GRID2: variants seen among roughly 807,000 people sequenced by gnomAD.
GRID2 encodes the protein glutamate ionotropic receptor delta type subunit 2, also known as glutamate receptor ionotropic, delta-2.
In GRID2, 33 loss-of-function variants were observed where a neutral mutation model predicts 114.8. That is an observed-to-expected ratio of 0.29 (90% confidence interval 0.22 to 0.38). The LOEUF (loss-of-function observed/expected upper bound fraction) is 0.38, where lower values mean the gene tolerates loss of function less well. GRID2 is among the 10% of genes least tolerant of loss of function. GRID2 has a pLI of 1.00. For missense variants in GRID2, 1,184 were observed against 1,257.7 expected (o/e 0.94, Z 0.89); for synonymous variants, 505 against 449.9 (o/e 1.12, Z -1.55).
At chr4:92,895,733 G>A (rs564050165) in intron 2 of GRID2, among the ~76,000 whole-genome samples, 1 of 152,104 alleles carries the variant, frequency 6.6e-6, no homozygotes, top group South Asian at 2.1e-4. Flanking sequence ...CATTATACCA[G>A]GCACTTTATA....
intron 8 of GRID2, among the ~76,000 whole-genome samples, chr4:93,348,492 C>T (rs1476659228): frequency 3.9e-5 from 6 of 152,028 alleles, no homozygotes; most frequent in African/African-American, 7.2e-5. Flanking sequence ...TGAAAATGTC[C>T]GAAGCAAAGT....
intron 5 of GRID2, among the ~76,000 whole-genome samples, chr4:93,215,075 ATAAAG>A (rs1259880229): frequency 2.0e-5 from 3 of 152,052 alleles, no homozygotes; most frequent in African/African-American, 7.2e-5. Flanking sequence ...AAATGAGATA[ATAAAG>A]TAATTAGTAT....
At chr4:92,533,192 G>GTT (rs146847345) in intron 1 of GRID2, among the ~76,000 whole-genome samples, 23,561 of 148,028 alleles carry the variant, frequency 0.16, 2,062 homozygotes, top group South Asian at 0.25. Flanking sequence ...GTGTTTTTTT[G>GTT]TTTTTTTTGT....
intron 6 of GRID2, among the ~76,000 whole-genome samples, chr4:93,218,726 A>G (rs1579324776): frequency 6.6e-6 from 1 of 152,164 alleles, no homozygotes; most frequent in Admixed American, 6.6e-5. Flanking sequence ...CTATATGTGT[A>G]TTAGTTCATT....
chr4:93,668,224 T>A (rs116269472), intron 14 of GRID2, among the ~76,000 whole-genome samples: 2,550 of 152,092 alleles, frequency 0.017, 79 homozygotes, highest in African/African-American at 0.059. Flanking sequence ...AAACAGAGTA[T>A]TTTAATCCCA....
At chr4:93,024,949 A>G (rs1472339583) in intron 2 of GRID2, among the ~76,000 whole-genome samples, 1 of 151,856 alleles carries the variant, frequency 6.6e-6, no homozygotes, top group Non-Finnish European at 1.5e-5. Context: ...AAGCAGAGAA[A>G]TGATAACTAA....
chr4:92,838,300 T>A (rs568097134), intron 2 of GRID2, among the ~76,000 whole-genome samples: 1 of 152,232 alleles, frequency 6.6e-6, no homozygotes, highest in Admixed American at 6.6e-5. Context: ...ATGTGAATTT[T>A]GATATAATAT....
At chr4:92,344,929 G>A (rs1213170316) in intron 1 of GRID2, among the ~76,000 whole-genome samples, 1 of 152,036 alleles carries the variant, frequency 6.6e-6, no homozygotes, top group Non-Finnish European at 1.5e-5. Flanking sequence ...GGTAGTTTTT[G>A]TTTACATGGA....
At chr4:92,616,627 A>G (rs1168589187) in intron 2 of GRID2, among the ~76,000 whole-genome samples, 8 of 151,070 alleles carry the variant, frequency 5.3e-5, no homozygotes, top group Non-Finnish European at 1.0e-4. Context: ...TTGTTATTAT[A>G]TATGTTTTGT....
intron 1 of GRID2, among the ~76,000 whole-genome samples, chr4:92,412,505 T>C (rs1731388754): frequency 6.6e-6 from 1 of 152,196 alleles, no homozygotes; most frequent in Non-Finnish European, 1.5e-5. Flanking sequence ...GTAATTTTTA[T>C]ATTTTTCCCT....
In GRID2 at chr4:92,835,496, T is replaced by C. The variant is rs138013216; in HGVS notation, c.244+245210T>C. Among the ~76,000 whole-genome samples the C allele has an allele frequency of 9.6e-4, 146 of 152,272 alleles. 2 individuals are homozygous for C. The highest frequency in any genetic ancestry group is 2.9e-3 in the African/African-American group (122 of 41,582). ...AATTCTACAGATAATGCTTATGCTGTTTCTCATACGTATGAGGCTGTACAT... is the reference window on the plus strand; with the variant it reads ...AATTCTACAGATAATGCTTATGCTGCTTCTCATACGTATGAGGCTGTACAT... On this transcript the variant is annotated intron_variant, in intron 2 of 15. Coordinates refer to ENST00000282020, the MANE Select transcript of GRID2 (RefSeq NM_001510.4).
intron 14 of GRID2, among the ~76,000 whole-genome samples, chr4:93,656,865 T>C (rs1329849153): frequency 7.2e-6 from 1 of 139,220 alleles, no homozygotes; most frequent in African/African-American, 2.7e-5. Flanking sequence ...AAACAAATAA[T>C]TCCAGCTGTC....
intron 1 of GRID2, among the ~76,000 whole-genome samples, chr4:92,588,250 A>T (rs1728544025): frequency 6.6e-6 from 1 of 152,156 alleles, no homozygotes; most frequent in African/African-American, 2.4e-5. Flanking sequence ...ATTAAAAAGC[A>T]TTATCTGGTT....
At chr4:93,757,860 G>C (rs1307925064) in intron 14 of GRID2, among the ~76,000 whole-genome samples, 2 of 152,194 alleles carry the variant, frequency 1.3e-5, no homozygotes, top group Non-Finnish European at 2.9e-5. Context: ...GGAAGGCTGA[G>C]GCAGGAGAAT....
intron 2 of GRID2, among the ~76,000 whole-genome samples, chr4:93,018,767 C>T (rs1004833450): frequency 6.6e-6 from 1 of 152,090 alleles, no homozygotes; most frequent in Admixed American, 6.6e-5. Flanking sequence ...TCTTATTATT[C>T]TTTGCTTTCA....
chr4:92,938,456 C>A (rs1440721746), intron 2 of GRID2, among the ~76,000 whole-genome samples: 1 of 146,602 alleles, frequency 6.8e-6, no homozygotes, highest in East Asian at 2.2e-4. Flanking sequence ...CCAAGTATGG[C>A]CTACTACTTC....
chr4:93,097,725 C>T (rs1241572701), intron 3 of GRID2, among the ~76,000 whole-genome samples: 1 of 151,870 alleles, frequency 6.6e-6, no homozygotes, highest in Non-Finnish European at 1.5e-5. Flanking sequence ...CAGAAAGACT[C>T]CAAGCGATGC....
At chr4:92,730,801 TAAATC>T (rs1450359369) in intron 2 of GRID2, among the ~76,000 whole-genome samples, 1 of 151,958 alleles carries the variant, frequency 6.6e-6, no homozygotes, top group African/African-American at 2.4e-5. Flanking sequence ...AGCAATCAGT[TAAATC>T]AGAGCACAAA....
intron 2 of GRID2, among the ~76,000 whole-genome samples, chr4:93,070,059 C>T (rs1379032804): frequency 6.6e-6 from 1 of 152,070 alleles, no homozygotes; most frequent in African/African-American, 2.4e-5. Context: ...AGAAACATTA[C>T]CTTTTTATAT....
Sources: gnomAD v4.1 joint callset for allele counts (sites outside exome capture counted in the v4.1 genomes callset) on GRCh38, gnomAD v4.1.1 for gene constraint, MANE v1.5 for transcripts, NCBI Gene and HGNC (gene_info 2026-07-23, HGNC 2026-07-21) for gene names.